The following CNTNAP4 variants were observed in gnomAD, a reference collection of about 807,000 sequenced individuals.
CNTNAP4 encodes contactin-associated protein-like 4.
CNTNAP4 carries 98 observed loss-of-function variants against 148.4 expected under a neutral mutation model. That is an observed-to-expected ratio of 0.66 (90% confidence interval 0.56 to 0.78). CNTNAP4 has a LOEUF of 0.78. Among genes scored for constraint, CNTNAP4 ranks in the 30% least tolerant of loss-of-function variants. The pLI, the probability that CNTNAP4 is intolerant of heterozygous loss-of-function variation, is 0.00. For synonymous variants in CNTNAP4, 730 were observed against 565.1 expected (o/e 1.29, Z -4.14); for missense variants, 1,935 against 1,565.6 (o/e 1.24, Z -3.98).
Position 76,538,200 on chromosome 16 carries a change from A to G in CNTNAP4, c.3080A>G (p.His1027Arg), listed in dbSNP as rs776131159. The change falls in exon 19 of 24, where the codon CAC becomes CGC. Residue 1027 changes from histidine (H) to arginine (R), a missense_variant. His to Arg is a conservative substitution (Grantham distance 29). Transcript: ENST00000611870. ...NYLLSKNSSS[H>R]AASFHGDMKL... ...CTTTTAAGTAAAAACTCCAGCTCCC[A>G]CGCTGCTTCATTTCATGGTGATATG... is the stretch of plus-strand genomic sequence containing the variant. 3.1e-6 allele frequency: 5 copies of G among 1,608,408 alleles called. No individual in the cohort carries two copies. The highest frequency in any genetic ancestry group is 3.4e-6 in the Non-Finnish European group (4 of 1,177,998).
chr16:76,499,991 C>G (rs1050909059), intron 15 of CNTNAP4, among the ~76,000 whole-genome samples: 4 of 152,150 alleles, frequency 2.6e-5, no homozygotes, highest in African/African-American at 7.2e-5. Context: ...TCTGATCTCT[C>G]TTTCTTTTCC....
Position 76,540,753 on chromosome 16 carries a change from C to G in CNTNAP4, c.3405C>G (p.Phe1135Leu), listed in dbSNP as rs761791757. Residue 1135 changes from phenylalanine to leucine, a missense_variant, in exon 21 of 24, where the codon TTC (phenylalanine) becomes TTG (leucine). By Grantham distance (22) the Phe-to-Leu change is conservative. Coordinates refer to ENST00000611870, the MANE Select transcript of CNTNAP4 (RefSeq NM_033401.5). Reference sequence around the variant, plus strand: ...TTCACCTGTCATCAGGCACAGAATTCAGTGCAGTCAAATCTCTGGTATTGG... The same window carrying G: ...TTCACCTGTCATCAGGCACAGAATTGAGTGCAGTCAAATCTCTGGTATTGG... ...RQVHLSSGTE[F>L]SAVKSLVLGR... is the part of the protein sequence containing the mutation. 1.9e-6 allele frequency: 3 copies of G among 1,576,846 alleles called. No homozygotes were observed. Among genetic ancestry groups the G allele is most frequent in the Admixed American group, 3.6e-5 (2 of 55,276 alleles).
intron 2 of CNTNAP4, among the ~76,000 whole-genome samples, chr16:76,339,303 T>C (rs1362742464): frequency 1.3e-5 from 2 of 152,194 alleles, no homozygotes; most frequent in Non-Finnish European, 2.9e-5. Flanking sequence ...ATTCAACATA[T>C]AACATCTCAT....
intron 3 of CNTNAP4, among the ~76,000 whole-genome samples, chr16:76,379,613 T>C (rs1329707540): frequency 6.6e-6 from 1 of 152,210 alleles, no homozygotes; most frequent in Non-Finnish European, 1.5e-5. Context: ...TTATCATTAA[T>C]CTGAGAAGCA....
intron 21 of CNTNAP4, among the ~76,000 whole-genome samples, chr16:76,541,467 A>C (rs1213290395): frequency 6.6e-6 from 1 of 152,230 alleles, no homozygotes; most frequent in African/African-American, 2.4e-5. Flanking sequence ...TTAGTTATAC[A>C]TTAATCATTA....
At chr16:76,305,697 C>A (rs1367969865) in intron 1 of CNTNAP4, among the ~76,000 whole-genome samples, 1 of 152,078 alleles carries the variant, frequency 6.6e-6, no homozygotes, top group African/African-American at 2.4e-5. Context: ...TGTTTTAATT[C>A]AGCTTTTATT....
Position 76,316,197 on chromosome 16 carries a change from T to C in CNTNAP4, c.86-216T>C, listed in dbSNP as rs1961720286. 3.4e-6 allele frequency: 2 copies of C among 589,722 alleles called. 1 individual carries two copies. Among genetic ancestry groups the C allele is most frequent in the East Asian group, 5.5e-5 (2 of 36,180 alleles). 36.5% of individuals were successfully genotyped at this position (589,722 alleles called of 1,614,324 possible). On this transcript the variant is annotated intron_variant, in intron 1 of 23. Coordinates refer to ENST00000611870, the MANE Select transcript of CNTNAP4 (RefSeq NM_033401.5). The stretch of plus-strand genomic sequence containing the variant: ...TGTTTTATTATATAATTTTATGATT[T>C]TTAAAGTATTTTCATATTCTCCTGT...
At chr16:76,419,315 G>A (rs1440163302) in intron 3 of CNTNAP4, among the ~76,000 whole-genome samples, 3 of 151,972 alleles carry the variant, frequency 2.0e-5, no homozygotes, top group African/African-American at 7.2e-5. Flanking sequence ...TTCTGGCAAA[G>A]TCTTTTCTTC....
intron 2 of CNTNAP4, among the ~76,000 whole-genome samples, chr16:76,349,869 T>C (rs1394895412): frequency 6.6e-6 from 1 of 152,092 alleles, no homozygotes; most frequent in Non-Finnish European, 1.5e-5. Context: ...ATAAAGTTGA[T>C]ACGTCGCCTT....
intron 4 of CNTNAP4, among the ~76,000 whole-genome samples, chr16:76,437,488 G>T (rs912043191): frequency 6.6e-6 from 1 of 152,102 alleles, no homozygotes; most frequent in Admixed American, 6.6e-5. Context: ...AGTTGAAGAG[G>T]CTCTCACTGA....
intron 2 of CNTNAP4, among the ~76,000 whole-genome samples, chr16:76,352,020 C>G (rs1031629617): frequency 6.6e-6 from 1 of 152,150 alleles, no homozygotes; most frequent in African/African-American, 2.4e-5. Flanking sequence ...AAGAAGGAAA[C>G]TAATCAGTGT....
intron 15 of CNTNAP4, among the ~76,000 whole-genome samples, chr16:76,501,387 C>T (rs1452066643): frequency 6.6e-6 from 1 of 152,180 alleles, no homozygotes; most frequent in Non-Finnish European, 1.5e-5. Context: ...TTTCATTAGC[C>T]AAAACCCCTG....
At chr16:76,462,239 A>C (rs2081001534) in intron 9 of CNTNAP4, 134 bp downstream of exon 9, 2 of 778,458 alleles carry the variant, frequency 2.6e-6, no homozygotes, top group East Asian at 5.8e-5. Context: ...GATCACGGAC[A>C]TTTTGGGTGG....
intron 3 of CNTNAP4, among the ~76,000 whole-genome samples, chr16:76,390,667 C>T (rs964207149): frequency 2.0e-5 from 3 of 151,878 alleles, no homozygotes; most frequent in African/African-American, 7.3e-5. Flanking sequence ...AATGTGGCTT[C>T]ACAGGTAGCT....
chr16:76,460,753 C>CAAAAAAAAAAAAAAAAAAAA lies in CNTNAP4; in HGVS notation c.1334-1201_1334-1182dup, dbSNP rs1158805627. ...GGGCGACAGAGCCAGACTCATGTCTCAAAAAAAAAAAAAAAAAAAAATATA... is the reference window on the plus strand; with the variant it reads ...GGGCGACAGAGCCAGACTCATGTCTCAAAAAAAAAAAAAAAAAAAAAAAAAAAAAAAAAAAAAAAAATATA... On this transcript the variant is annotated intron_variant, in intron 8 of 23. Transcript: ENST00000611870. Among the ~76,000 whole-genome samples the CAAAAAAAAAAAAAAAAAAAA allele has an allele frequency of 1.3e-4, 2 of 15,520 alleles. 1 individual carries two copies. Among genetic ancestry groups the CAAAAAAAAAAAAAAAAAAAA allele is most frequent in the African/African-American group, 4.2e-4 (2 of 4,800 alleles). The allele number at this position is 15,520 out of a possible 152,430, so 10.2% of individuals were successfully genotyped here.
chr16:76,412,398 G>T (rs2078831124), intron 3 of CNTNAP4, among the ~76,000 whole-genome samples: 1 of 151,328 alleles, frequency 6.6e-6, no homozygotes, highest in African/African-American at 2.4e-5. Context: ...CATAAAAAAT[G>T]TATATATTTA....
At chr16:76,473,572 G>A (rs1314327117) in intron 10 of CNTNAP4, among the ~76,000 whole-genome samples, 1 of 152,066 alleles carries the variant, frequency 6.6e-6, no homozygotes, top group African/African-American at 2.4e-5. Context: ...AGGAGATCGA[G>A]ACCATCCTGG....
chr16:76,479,351 A>T lies in CNTNAP4; in HGVS notation c.1763-68A>T, dbSNP rs2081720973. 3 of 1,383,186 alleles carry T rather than the reference A, an allele frequency of 2.2e-6. No homozygotes were observed. In the East Asian group the frequency reaches 7.6e-5, roughly 35 times the overall value. 85.7% of individuals were successfully genotyped at this position (1,383,186 alleles called of 1,614,324 possible). On this transcript the variant is annotated intron_variant, in intron 11 of 23. Coordinates refer to ENST00000611870, the MANE Select transcript of CNTNAP4 (RefSeq NM_033401.5). ...TAAATTTCAAGATTTGCGGTATTTC[A>T]TGTCCAAATTAAAAGTTAAGAGATT... is the stretch of plus-strand genomic sequence containing the variant.
In CNTNAP4 at chr16:76,539,700, C is replaced by G. The variant is rs1443594428; in HGVS notation, c.3221-19C>G. 1.3e-6 allele frequency: 2 copies of G among 1,562,480 alleles called. No homozygotes were observed. On this transcript the variant is annotated intron_variant, in intron 19 of 23. Transcript: ENST00000611870. Reference sequence around the variant, plus strand: ...AGTACGATTTTTACTAAAAGAATCACAATTTTTCCCCACTCTAGGAAGTTT... The same window carrying G: ...AGTACGATTTTTACTAAAAGAATCAGAATTTTTCCCCACTCTAGGAAGTTT...
Sources: allele counts gnomAD v4.1 joint callset (sites outside exome capture counted in the v4.1 genomes callset), GRCh38; gene constraint gnomAD v4.1.1; transcripts MANE v1.5; gene names NCBI Gene and HGNC (gene_info 2026-07-23, HGNC 2026-07-21).